Variants in SGPP2 observed in about 807,000 individuals in gnomAD.
The protein encoded by SGPP2 is sphingosine 1-phosphate phosphohydrolase 2.
Under a neutral mutation model 33.9 loss-of-function variants are expected in SGPP2, and 30 were observed. The ratio of observed to expected loss-of-function variants is 0.89; its 90% CI spans 0.66 to 1.20. The LOEUF (loss-of-function observed/expected upper bound fraction) is 1.20, where lower values mean the gene tolerates loss of function less well. Among genes scored for constraint, SGPP2 ranks in the 50% most tolerant of loss-of-function variants. The probability of loss-of-function intolerance (pLI) is 0.00; values close to 1 mark genes in which losing one functional copy is unlikely to be tolerated. For synonymous variants in SGPP2, 233 were observed against 225.0 expected (o/e 1.04, Z -0.32); for missense variants, 458 against 532.1 (o/e 0.86, Z 1.37).
intron 1 of SGPP2, among the ~76,000 whole-genome samples, chr2:222,435,003 CACACACACAT>C (rs1438242665): frequency 2.7e-4 from 14 of 51,752 alleles, no homozygotes; most frequent in South Asian, 1.2e-3. Flanking sequence ...CACACACACA[CACACACACAT>C]ATGTGTATAT....
chr2:222,457,371 A>G (rs1697588688), intron 1 of SGPP2, among the ~76,000 whole-genome samples: 1 of 152,186 alleles, frequency 6.6e-6, no homozygotes, highest in Non-Finnish European at 1.5e-5. Flanking sequence ...CTATGCATTA[A>G]TATTTGCCTA....
rs1367795254 is a variant in SGPP2 at position 222,507,472 on chromosome 2, T to C, written c.379-14295T>C. 3.3e-5 allele frequency among the ~76,000 whole-genome samples: 5 copies of C among 152,352 alleles called. No individual in the cohort carries two copies. The East Asian group carries it at 7.7e-4, about 23-fold the overall frequency. Reference sequence around the variant, plus strand: ...GTATTGCATTGTTGCCATCAGGGGTTTGTAAAGCTAAAGGTTTTGATCTTT... The same window carrying C: ...GTATTGCATTGTTGCCATCAGGGGTCTGTAAAGCTAAAGGTTTTGATCTTT... On this transcript the variant is annotated intron_variant, in intron 2 of 4. Transcript: ENST00000321276.
At chr2:222,532,125 T>A (rs527551452) in intron 4 of SGPP2, among the ~76,000 whole-genome samples, 1 of 152,084 alleles carries the variant, frequency 6.6e-6, no homozygotes, top group African/African-American at 2.4e-5. Context: ...ATACAAAAAA[T>A]TAGCCAGGTG....
intron 2 of SGPP2, among the ~76,000 whole-genome samples, chr2:222,517,471 C>T (rs2106130103): frequency 6.6e-6 from 1 of 152,266 alleles, no homozygotes; most frequent in East Asian, 1.9e-4. Context: ...ATCCCCCTTC[C>T]AACTCCCCAT....
intron 2 of SGPP2, among the ~76,000 whole-genome samples, chr2:222,493,829 C>T (rs1300919653): frequency 2.0e-5 from 3 of 152,112 alleles, no homozygotes; most frequent in African/African-American, 7.2e-5. Context: ...TTATAGGAGG[C>T]TATTGGTTTG....
At chr2:222,463,452 A>T (rs1335341030) in intron 1 of SGPP2, among the ~76,000 whole-genome samples, 1 of 152,172 alleles carries the variant, frequency 6.6e-6, no homozygotes, top group African/African-American at 2.4e-5. Flanking sequence ...ACAAAATATA[A>T]AAAAAATAGT....
intron 2 of SGPP2, among the ~76,000 whole-genome samples, chr2:222,488,249 A>T (rs1698142751): frequency 6.6e-6 from 1 of 152,200 alleles, no homozygotes. Flanking sequence ...GGGGTCCCCT[A>T]ACCCTGGGCC....
chr2:222,493,841 C>T (rs1346738480), intron 2 of SGPP2, among the ~76,000 whole-genome samples: 1 of 152,110 alleles, frequency 6.6e-6, no homozygotes, highest in Non-Finnish European at 1.5e-5. Context: ...ATTGGTTTGG[C>T]CCAACAGACC....
chr2:222,453,677 TTATTA>T (rs1445313177), intron 1 of SGPP2, among the ~76,000 whole-genome samples: 1 of 152,218 alleles, frequency 6.6e-6, no homozygotes, highest in African/African-American at 2.4e-5. Context: ...CTAGATTACT[TTATTA>T]TAAGAATACA....
Position 222,476,615 on chromosome 2 carries a change from A to C in SGPP2, c.378+1889A>C, listed in dbSNP as rs903815577. On this transcript the variant is annotated intron_variant, in intron 2 of 4. Coordinates refer to ENST00000321276, the MANE Select transcript of SGPP2 (RefSeq NM_152386.4). This position sits in a 1 kb window ranked among gnomAD's most constrained non-coding sequence, Gnocchi z 4.3. ...TGGGAGTGGTCCTTCTGTTCTTAACATCTGAAAACCCTTGGAAAACCTATG... is the reference window on the plus strand; with the variant it reads ...TGGGAGTGGTCCTTCTGTTCTTAACCTCTGAAAACCCTTGGAAAACCTATG... Among the ~76,000 whole-genome samples the C allele has an allele frequency of 2.6e-5, 4 of 152,078 alleles. No individual in the cohort carries two copies. Among genetic ancestry groups the C allele is most frequent in the Admixed American group, 2.6e-4 (4 of 15,264 alleles).
intron 4 of SGPP2, among the ~76,000 whole-genome samples, chr2:222,541,854 G>A (rs1448911706): frequency 2.0e-5 from 3 of 151,860 alleles, no homozygotes; most frequent in East Asian, 1.9e-4. Flanking sequence ...CACCCACCCC[G>A]GCCTCCCAAA....
intron 2 of SGPP2, among the ~76,000 whole-genome samples, chr2:222,509,493 A>T (rs1698493198): frequency 6.6e-6 from 1 of 152,234 alleles, no homozygotes; most frequent in Non-Finnish European, 1.5e-5. Flanking sequence ...TCTGAAAATG[A>T]ATCCTGTGTA....
At chr2:222,511,711 G>A (rs895788820) in intron 2 of SGPP2, among the ~76,000 whole-genome samples, 3 of 152,186 alleles carry the variant, frequency 2.0e-5, no homozygotes, top group African/African-American at 7.2e-5. Flanking sequence ...TTTTGAGACA[G>A]GGTCTTGGTC....
chr2:222,532,080 C>T (rs1332325602), intron 4 of SGPP2, among the ~76,000 whole-genome samples: 1 of 152,132 alleles, frequency 6.6e-6, no homozygotes, highest in Admixed American at 6.5e-5. Flanking sequence ...CGAGACCAGC[C>T]TGACCAACAT....
At chr2:222,431,229 C>G (rs1011856993) in intron 1 of SGPP2, among the ~76,000 whole-genome samples, 9 of 151,660 alleles carry the variant, frequency 5.9e-5, no homozygotes, top group African/African-American at 1.9e-4. Flanking sequence ...CATGGTGGCT[C>G]TCTTGAGGTC....
intron 1 of SGPP2, among the ~76,000 whole-genome samples, chr2:222,438,376 T>C (rs1697275504): frequency 6.6e-6 from 1 of 152,144 alleles, no homozygotes; most frequent in African/African-American, 2.4e-5. Flanking sequence ...ATGTCATCCA[T>C]GTAATGGACC....
intron 4 of SGPP2, among the ~76,000 whole-genome samples, chr2:222,547,126 A>G (rs1689216993): frequency 6.6e-6 from 1 of 152,204 alleles, no homozygotes; most frequent in Non-Finnish European, 1.5e-5. Flanking sequence ...GTCAACCTGC[A>G]TGGGCCTGCT....
intron 1 of SGPP2, among the ~76,000 whole-genome samples, chr2:222,437,151 C>A (rs937610417): frequency 1.3e-5 from 2 of 152,208 alleles, no homozygotes; most frequent in African/African-American, 4.8e-5. Context: ...CAATTTTGGG[C>A]CACTCAGAGA....
chr2:222,432,525 T>A (rs1037026359), intron 1 of SGPP2, among the ~76,000 whole-genome samples: 2 of 152,212 alleles, frequency 1.3e-5, no homozygotes, highest in Non-Finnish European at 2.9e-5. Context: ...CGTCATCCAA[T>A]TAAGATCATG....
Sources: gnomAD v4.1 joint callset for allele counts (sites outside exome capture counted in the v4.1 genomes callset) on GRCh38, gnomAD v4.1.1 for gene constraint, Gnocchi (gnomAD v3.1) non-coding constraint, MANE v1.5 for transcripts, NCBI Gene and HGNC (gene_info 2026-07-23, HGNC 2026-07-21) for gene names.